The following FSIP1 variants were observed in gnomAD, a reference collection of about 807,000 sequenced individuals.
The protein encoded by FSIP1 is fibrous sheath-interacting protein 1.
In FSIP1, 65 loss-of-function variants were observed where a neutral mutation model predicts 60.9. The ratio of observed to expected loss-of-function variants is 1.07; its 90% CI spans 0.87 to 1.31. The LOEUF (loss-of-function observed/expected upper bound fraction) is 1.31, where lower values mean the gene tolerates loss of function less well. FSIP1 is among the 40% of genes most tolerant of loss of function. The pLI, the probability that FSIP1 is intolerant of heterozygous loss-of-function variation, is 0.00. For synonymous variants in FSIP1, 209 were observed against 221.2 expected (o/e 0.94, Z 0.49); for missense variants, 675 against 665.5 (o/e 1.01, Z -0.16).
At chr15:39,692,380 C>T (rs1894637967) in intron 10 of FSIP1, among the ~76,000 whole-genome samples, 1 of 152,152 alleles carries the variant, frequency 6.6e-6, no homozygotes, top group Admixed American at 6.5e-5. Context: ...GTTCACATCC[C>T]AAAAGGACCT....
chr15:39,682,288 T>G (rs1368890131), intron 10 of FSIP1, among the ~76,000 whole-genome samples: 1 of 152,208 alleles, frequency 6.6e-6, no homozygotes, highest in Non-Finnish European at 1.5e-5. Flanking sequence ...AAAACACATT[T>G]TGTTCTAACT....
At chr15:39,772,060 T>C (rs150686999) in intron 2 of FSIP1, among the ~76,000 whole-genome samples, 42 of 152,296 alleles carry the variant, frequency 2.8e-4, no homozygotes, top group African/African-American at 9.6e-4. Flanking sequence ...CATCATCTCA[T>C]ATGATCCTAA....
At chr15:39,662,558 A>G (rs1278293378) in intron 10 of FSIP1, among the ~76,000 whole-genome samples, 3 of 152,158 alleles carry the variant, frequency 2.0e-5, no homozygotes, top group Non-Finnish European at 2.9e-5. Context: ...ATGAAAAATA[A>G]TGAGGTGGAT....
chr15:39,699,007 C>T (rs1360308139), intron 10 of FSIP1, among the ~76,000 whole-genome samples: 1 of 152,218 alleles, frequency 6.6e-6, no homozygotes, highest in Non-Finnish European at 1.5e-5. Context: ...CCTCCTCTGT[C>T]TTTCCGACCT....
chr15:39,718,335 T>C (rs1362101605), intron 9 of FSIP1, among the ~76,000 whole-genome samples: 2 of 151,986 alleles, frequency 1.3e-5, no homozygotes, highest in Non-Finnish European at 2.9e-5. Flanking sequence ...TGTGTATATA[T>C]ATATAGTCTG....
At position 39,741,856 on chromosome 15, in the gene FSIP1, T is replaced by G. The variant is rs774810602; in HGVS notation, c.604A>C (p.Thr202Pro). Residue 202 changes from threonine (T) to proline (P), a missense_variant, in exon 6 of 12, where the codon ACT becomes CCT. By Grantham distance (38) the Thr-to-Pro change is conservative. Transcript: ENST00000350221. ...EEDTFSSVFH[T>P]QIPPEEYEMQ... Reference sequence around the variant, plus strand: ...TCATATTCTTCTGGAGGGATTTGAGTATGAAACACTGAGGAAAAGGTGTCT... The same window carrying G: ...TCATATTCTTCTGGAGGGATTTGAGGATGAAACACTGAGGAAAAGGTGTCT... 1.9e-6 allele frequency: 3 copies of G among 1,607,206 alleles called. No individual in the cohort carries two copies. Among genetic ancestry groups the G allele is most frequent in the Non-Finnish European group, 2.6e-6 (3 of 1,174,302 alleles).
chr15:39,724,201 G>C (rs1324992023), intron 9 of FSIP1, among the ~76,000 whole-genome samples: 3 of 151,042 alleles, frequency 2.0e-5, no homozygotes, highest in African/African-American at 7.3e-5. Context: ...CCATAAATGT[G>C]AACTCTGAAA....
At chr15:39,599,654 G>A (rs991669958), downstream of FSIP1, among the ~76,000 whole-genome samples, 1 of 151,468 alleles carries the variant, frequency 6.6e-6, no homozygotes, top group Non-Finnish European at 1.5e-5. Context: ...GCCCCTCTCT[G>A]CCCCACAACA....
intron 10 of FSIP1, among the ~76,000 whole-genome samples, chr15:39,645,725 C>T (rs1022491807): frequency 6.6e-6 from 1 of 152,118 alleles, no homozygotes; most frequent in African/African-American, 2.4e-5. Flanking sequence ...CCTCGGGCAC[C>T]CCAGGAAGGT....
At chr15:39,669,292 C>T (rs1893624869) in intron 10 of FSIP1, among the ~76,000 whole-genome samples, 2 of 152,226 alleles carry the variant, frequency 1.3e-5, no homozygotes, top group African/African-American at 4.8e-5. Flanking sequence ...CAAGGCTTGC[C>T]AGGCCTGCAT....
intron 3 of FSIP1, among the ~76,000 whole-genome samples, chr15:39,769,165 G>T (rs1342632029): frequency 1.3e-5 from 2 of 151,844 alleles, no homozygotes; most frequent in African/African-American, 4.8e-5. Flanking sequence ...TGTAGTCCCA[G>T]CTACTCGGGA....
intron 10 of FSIP1, among the ~76,000 whole-genome samples, chr15:39,707,871 G>C (rs368214802): frequency 5.9e-4 from 90 of 152,190 alleles, no homozygotes; most frequent in African/African-American, 2.1e-3. Flanking sequence ...TTATATAATA[G>C]GACCAGGGAA....
intron 11 of FSIP1, among the ~76,000 whole-genome samples, chr15:39,603,761 G>T (rs1366032934): frequency 1.3e-5 from 2 of 151,986 alleles, no homozygotes; most frequent in Non-Finnish European, 2.9e-5. Context: ...CAGCAGATGG[G>T]AAAAAAGGTA....
At chr15:39,749,153 T>C (rs1897086909) in intron 5 of FSIP1, among the ~76,000 whole-genome samples, 1 of 149,872 alleles carries the variant, frequency 6.7e-6, no homozygotes, top group South Asian at 2.1e-4. Context: ...GAGATTGAAG[T>C]AGTAATTAAA....
At chr15:39,747,689 C>A (rs1321615111) in intron 5 of FSIP1, among the ~76,000 whole-genome samples, 1 of 152,132 alleles carries the variant, frequency 6.6e-6, no homozygotes, top group Admixed American at 6.5e-5. Flanking sequence ...AGAAAGATAT[C>A]TGAACTCAGC....
intron 10 of FSIP1, among the ~76,000 whole-genome samples, chr15:39,645,182 A>T (rs545144766): frequency 6.6e-6 from 1 of 152,246 alleles, no homozygotes; most frequent in South Asian, 2.1e-4. Flanking sequence ...CTACATTCTT[A>T]GTGGAAATGT....
chr15:39,726,117 C>G (rs1325061853), intron 9 of FSIP1, among the ~76,000 whole-genome samples: 1 of 152,090 alleles, frequency 6.6e-6, no homozygotes, highest in Non-Finnish European at 1.5e-5. Context: ...GAGGGAACTA[C>G]TGAGAGAAGA....
At chr15:39,679,293 A>C (rs1478193183) in intron 10 of FSIP1, among the ~76,000 whole-genome samples, 2 of 152,242 alleles carry the variant, frequency 1.3e-5, no homozygotes, top group Admixed American at 1.3e-4. Context: ...CTAGCTTTAC[A>C]AGCCAAAGAC....
At chr15:39,669,027 A>G (rs747351030) in intron 10 of FSIP1, among the ~76,000 whole-genome samples, 3 of 152,188 alleles carry the variant, frequency 2.0e-5, no homozygotes, top group Non-Finnish European at 4.4e-5. Context: ...TGAGAGTTCT[A>G]AGCAGTAGAC....
Sources: gnomAD v4.1 joint callset for allele counts (sites outside exome capture counted in the v4.1 genomes callset) on GRCh38, gnomAD v4.1.1 for gene constraint, MANE v1.5 for transcripts, NCBI Gene and HGNC (gene_info 2026-07-23, HGNC 2026-07-21) for gene names.